The following CTNNA3 variants were observed in gnomAD, a reference collection of about 807,000 sequenced individuals.
The protein encoded by CTNNA3 is catenin alpha 3, also known as catenin alpha-3.
In CTNNA3, 76 loss-of-function variants were observed where a neutral mutation model predicts 95.7. That is an observed-to-expected ratio of 0.79 (90% confidence interval 0.66 to 0.96). CTNNA3 has a LOEUF of 0.96. CTNNA3 is among the 40% of genes least tolerant of loss of function. The probability of loss-of-function intolerance (pLI) is 0.00; values close to 1 mark genes in which losing one functional copy is unlikely to be tolerated. For synonymous variants in CTNNA3, 431 were observed against 374.4 expected (o/e 1.15, Z -1.74); for missense variants, 1,191 against 1,089.8 (o/e 1.09, Z -1.31).
intron 14 of CTNNA3, among the ~76,000 whole-genome samples, chr10:66,083,418 T>C (rs1176702943): frequency 6.6e-6 from 1 of 152,198 alleles, no homozygotes; most frequent in Non-Finnish European, 1.5e-5. Context: ...TATTTCTTCC[T>C]AATTATCATT....
intron 9 of CTNNA3, among the ~76,000 whole-genome samples, chr10:66,694,023 T>C (rs963357898): frequency 8.6e-5 from 13 of 151,794 alleles, no homozygotes; most frequent in East Asian, 5.8e-4. Context: ...ACATCCAAAA[T>C]TGACACCCTA....
At chr10:66,003,953 G>A (rs1434396787) in intron 15 of CTNNA3, among the ~76,000 whole-genome samples, 1 of 152,100 alleles carries the variant, frequency 6.6e-6, no homozygotes, top group South Asian at 2.1e-4. Context: ...ATGCTGCTTC[G>A]CATGCCCACT....
chr10:67,006,004 ATTAT>A (rs1188395547), intron 7 of CTNNA3, among the ~76,000 whole-genome samples: 1 of 151,536 alleles, frequency 6.6e-6, no homozygotes, highest in Non-Finnish European at 1.5e-5. Context: ...GATTTTTTTG[ATTAT>A]TTATTTTGAA....
intron 1 of CTNNA3, among the ~76,000 whole-genome samples, chr10:67,761,239 T>C (rs759365693): frequency 1.2e-4 from 19 of 152,200 alleles, no homozygotes; most frequent in Non-Finnish European, 2.1e-4. Flanking sequence ...CAAATGTCGT[T>C]ATGAGGCACA....
intron 7 of CTNNA3, among the ~76,000 whole-genome samples, chr10:66,908,496 T>C (rs747700089): frequency 5.9e-5 from 9 of 152,110 alleles, no homozygotes; most frequent in Non-Finnish European, 1.2e-4. Context: ...AAAGACACTA[T>C]GAAGTGGTTT....
At chr10:67,540,317 ACT>A (rs1207178306) in intron 3 of CTNNA3, among the ~76,000 whole-genome samples, 2 of 151,934 alleles carry the variant, frequency 1.3e-5, no homozygotes, top group African/African-American at 4.8e-5. Flanking sequence ...TTAATAAAAA[ACT>A]CTCTTTACTC....
At chr10:67,166,454 T>C (rs957628428) in intron 7 of CTNNA3, among the ~76,000 whole-genome samples, 1 of 152,216 alleles carries the variant, frequency 6.6e-6, no homozygotes, top group Non-Finnish European at 1.5e-5. Flanking sequence ...GTTTAATTTA[T>C]ATACACTGGT....
At chr10:66,247,867 G>T (rs573410742) in intron 13 of CTNNA3, among the ~76,000 whole-genome samples, 2 of 152,212 alleles carry the variant, frequency 1.3e-5, no homozygotes, top group African/African-American at 4.8e-5. Flanking sequence ...AATCTAAAAG[G>T]AAAGGACATT....
At chr10:66,565,558 T>G (rs79620034) in intron 10 of CTNNA3, among the ~76,000 whole-genome samples, 7,251 of 152,080 alleles carry the variant, frequency 0.048, 223 homozygotes, top group African/African-American at 0.067. Flanking sequence ...TCAAATGAAG[T>G]AGGGAAAACC....
intron 10 of CTNNA3, among the ~76,000 whole-genome samples, chr10:66,539,465 T>C (rs993975632): frequency 3.3e-5 from 5 of 152,190 alleles, no homozygotes; most frequent in Non-Finnish European, 7.3e-5. Context: ...AAGCTCATAC[T>C]GGTCTTTATC....
chr10:66,360,840 T>TCTTC, intron 12 of CTNNA3, among the ~76,000 whole-genome samples: 1 of 139,300 alleles, frequency 7.2e-6, no homozygotes, highest in East Asian at 2.1e-4. Flanking sequence ...TTTCTTTCTT[T>TCTTC]CTTTCTTTCT....
intron 9 of CTNNA3, among the ~76,000 whole-genome samples, chr10:66,739,588 CT>C (rs1488493797): frequency 6.6e-6 from 1 of 151,952 alleles, no homozygotes; most frequent in Non-Finnish European, 1.5e-5. Context: ...TATTAGATTT[CT>C]TTTTAAGATT....
chr10:66,977,489 G>C (rs1403709015), intron 7 of CTNNA3, among the ~76,000 whole-genome samples: 1 of 151,848 alleles, frequency 6.6e-6, no homozygotes, highest in Non-Finnish European at 1.5e-5. Flanking sequence ...CCTAAGCTTA[G>C]CAATAAAACT....
chr10:66,279,291 A>G (rs1055294765), intron 13 of CTNNA3, among the ~76,000 whole-genome samples: 11 of 152,006 alleles, frequency 7.2e-5, no homozygotes, highest in African/African-American at 2.7e-4. Flanking sequence ...TGCTCCACTC[A>G]TATATTCTCA....
At chr10:67,370,757 G>A (rs1215923888) in intron 5 of CTNNA3, among the ~76,000 whole-genome samples, 1 of 151,916 alleles carries the variant, frequency 6.6e-6, no homozygotes, top group Non-Finnish European at 1.5e-5. Context: ...GTGTGTATAT[G>A]TACATATAAT....
At chr10:66,189,600 T>TTATA (rs539638553) in intron 13 of CTNNA3, among the ~76,000 whole-genome samples, 14 of 89,278 alleles carry the variant, frequency 1.6e-4, no homozygotes, top group African/African-American at 5.1e-4. Flanking sequence ...TACTATAGAT[T>TTATA]TATATATATA....
At chr10:67,699,388 A>C (rs1306256610), upstream of CTNNA3, among the ~76,000 whole-genome samples, 1 of 152,158 alleles carries the variant, frequency 6.6e-6, no homozygotes, top group East Asian at 1.9e-4. Context: ...TTTTAAGTCT[A>C]TCAACAACCT....
chr10:66,341,270 C>T (rs148085599), intron 12 of CTNNA3, among the ~76,000 whole-genome samples: 1 of 151,988 alleles, frequency 6.6e-6, no homozygotes, highest in Non-Finnish European at 1.5e-5. Context: ...CAAAACTGCA[C>T]ACGTTCTGAA....
intron 5 of CTNNA3, among the ~76,000 whole-genome samples, chr10:67,241,312 A>G (rs1865710173): frequency 6.6e-6 from 1 of 152,020 alleles, no homozygotes. Context: ...AATCCCAGCT[A>G]CTCGGGAGGC....
Sources: allele counts gnomAD v4.1 joint callset (sites outside exome capture counted in the v4.1 genomes callset), GRCh38; gene constraint gnomAD v4.1.1; transcripts MANE v1.5; gene names NCBI Gene and HGNC (gene_info 2026-07-23, HGNC 2026-07-21).